Variants in ALKBH3 observed in about 807,000 individuals in gnomAD.
The protein encoded by ALKBH3 is alkB homolog 3, alpha-ketoglutarate dependent dioxygenase.
In ALKBH3, 51 loss-of-function variants were observed where a neutral mutation model predicts 43.9. The ratio of observed to expected loss-of-function variants is 1.16; its 90% CI spans 0.93 to 1.47. ALKBH3 has a LOEUF of 1.47. Ranked by LOEUF, ALKBH3 falls within the 40% of genes most tolerant of loss-of-function variation. The pLI, the probability that ALKBH3 is intolerant of heterozygous loss-of-function variation, is 0.00. For synonymous variants in ALKBH3, 102 were observed against 115.2 expected, an observed-to-expected ratio of 0.89 and a Z score of 0.73; for missense variants, 361 against 351.9, an observed-to-expected ratio of 1.03 and a Z score of -0.21.
Position 43,920,088 on chromosome 11 carries a change from T to C in ALKBH3, c.*78T>C. 1 of 1,333,158 alleles carries C rather than the reference T, an allele frequency of 7.5e-7. No individual in the cohort carries two copies. The highest frequency in any genetic ancestry group is 1.1e-6 in the Non-Finnish European group (1 of 936,278). 82.6% of individuals were successfully genotyped at this position (1,333,158 alleles called of 1,614,324 possible). A position where few individuals can be genotyped will look rare whatever the true frequency, so the allele number is the denominator to read the frequency against. On this transcript the variant is annotated 3_prime_UTR_variant, in exon 10 of 10. Transcript: ENST00000302708. ...AGAAGCCACTTCAAGAGGCTGGTGC[T>C]GCTAGATCTCATGATGTGGCTGTTG...
At chr11:43,900,374 C>T (rs1292582669) in intron 7 of ALKBH3, among the ~76,000 whole-genome samples, 1 of 151,610 alleles carries the variant, frequency 6.6e-6, no homozygotes, top group Non-Finnish European at 1.5e-5. Flanking sequence ...CAGGCGCATG[C>T]CACCATGCCC....
chr11:43,896,375 C>G (rs758711547), intron 7 of ALKBH3, among the ~76,000 whole-genome samples: 1 of 151,866 alleles, frequency 6.6e-6, no homozygotes, highest in Non-Finnish European at 1.5e-5. Context: ...GTCTGCAAGC[C>G]GAGGAGCAAG....
At chr11:43,890,537 A>G (rs1181502762) in intron 6 of ALKBH3, among the ~76,000 whole-genome samples, 1 of 152,174 alleles carries the variant, frequency 6.6e-6, no homozygotes, top group Non-Finnish European at 1.5e-5. Context: ...CCCTGTGGAT[A>G]CTGAAATTCA....
At chr11:43,891,660 G>A (rs766724835) in intron 6 of ALKBH3, among the ~76,000 whole-genome samples, 4 of 151,932 alleles carry the variant, frequency 2.6e-5, no homozygotes, top group Non-Finnish European at 4.4e-5. Flanking sequence ...TTCTCACATG[G>A]ATGTTGGTGC....
At chr11:43,889,131 G>A (rs774930471) in intron 5 of ALKBH3, among the ~76,000 whole-genome samples, 2 of 152,082 alleles carry the variant, frequency 1.3e-5, no homozygotes, top group Non-Finnish European at 2.9e-5. Flanking sequence ...GGGTTCAAGC[G>A]ATTCTCCTGC....
chr11:43,896,268 TACACACACACACACACAC>T (rs71035662), intron 7 of ALKBH3, among the ~76,000 whole-genome samples: 2 of 147,268 alleles, frequency 1.4e-5, no homozygotes, highest in South Asian at 2.1e-4. Context: ...ATAGGATAGA[TACACACACACACACACAC>T]ACACACACAC....
At position 43,919,120 on chromosome 11, in the gene ALKBH3, C is replaced by T. The variant is rs1159631844; in HGVS notation, c.752C>T (p.Thr251Ile). 1.9e-5 allele frequency: 30 copies of T among 1,612,948 alleles called. No homozygotes were observed. Among genetic ancestry groups the T allele is most frequent in the Non-Finnish European group, 2.5e-5 (30 of 1,179,032 alleles). Residue 251 changes from threonine (T) to isoleucine (I), a missense_variant, in exon 9 of 10, where the codon ACA becomes ATA. Thr to Ile is a moderately conservative substitution (Grantham distance 89). Coordinates refer to ENST00000302708, the MANE Select transcript of ALKBH3 (RefSeq NM_139178.4). ...ACCTTGTTAATCATGGAAGGAGCGACACAAGCTGACTGGCAGGTGAGGATC... is the reference window on the plus strand; with the variant it reads ...ACCTTGTTAATCATGGAAGGAGCGATACAAGCTGACTGGCAGGTGAGGATC... ...HGTLLIMEGATQADWQHRVPK... is the reference protein window; with the variant it reads ...HGTLLIMEGAIQADWQHRVPK...
intron 8 of ALKBH3, among the ~76,000 whole-genome samples, chr11:43,912,721 T>G (rs1951949579): frequency 6.6e-6 from 1 of 152,216 alleles, no homozygotes; most frequent in South Asian, 2.1e-4. Flanking sequence ...ATGAAGAATG[T>G]GATAATTTTT....
chr11:43,900,698 G>A (rs1021198031), intron 7 of ALKBH3, among the ~76,000 whole-genome samples: 3 of 152,102 alleles, frequency 2.0e-5, no homozygotes, highest in African/African-American at 7.2e-5. Flanking sequence ...TAAAGTACTC[G>A]AGATTTCTGG....
At chr11:43,916,261 A>G (rs1488257226) in intron 8 of ALKBH3, among the ~76,000 whole-genome samples, 1 of 152,234 alleles carries the variant, frequency 6.6e-6, no homozygotes, top group Non-Finnish European at 1.5e-5. Context: ...CTTAAAGGAA[A>G]CTGAATAGGA....
intron 8 of ALKBH3, 115 bp downstream of exon 8, chr11:43,901,840 A>C: frequency 7.9e-7 from 1 of 1,260,824 alleles, no homozygotes; most frequent in Non-Finnish European, 1.1e-6. Flanking sequence ...CATTTTGTTG[A>C]TGAAACATTT....
At chr11:43,902,732 G>A (rs529944233) in intron 8 of ALKBH3, among the ~76,000 whole-genome samples, 54 of 152,358 alleles carry the variant, frequency 3.5e-4, no homozygotes, top group African/African-American at 1.3e-3. Flanking sequence ...GAGTAGCTGG[G>A]ATTACAGGCG....
At chr11:43,888,310 C>T (rs61883985) in intron 5 of ALKBH3, among the ~76,000 whole-genome samples, 2 of 26,750 alleles carry the variant, frequency 7.5e-5, no homozygotes, top group Non-Finnish European at 2.4e-4. Context: ...GCCATGTTGC[C>T]CAGGCTGGCC....
intron 6 of ALKBH3, among the ~76,000 whole-genome samples, chr11:43,890,477 A>G (rs765920562): frequency 2.0e-5 from 3 of 152,108 alleles, no homozygotes; most frequent in Non-Finnish European, 2.9e-5. Flanking sequence ...AATTTTCTGT[A>G]AAGAGGCAAA....
chr11:43,883,005 G>T, intron 2 of ALKBH3, 80 bp from the exon 3 acceptor site: 2 of 1,133,614 alleles, frequency 1.8e-6, no homozygotes, highest in South Asian at 2.7e-5. Flanking sequence ...CTCCAAGTGG[G>T]CTTTATTGGC....
chr11:43,892,988 C>T (rs1554316), intron 7 of ALKBH3, among the ~76,000 whole-genome samples: 27,217 of 152,100 alleles, frequency 0.18, 2,784 homozygotes, highest in South Asian at 0.33. Flanking sequence ...AGGGAAGTGC[C>T]GAGACCCTTT....
intron 9 of ALKBH3, 43 bp from the exon 10 acceptor site, chr11:43,919,875 G>T (rs764821067): frequency 2.6e-6 from 4 of 1,533,034 alleles, no homozygotes; most frequent in African/African-American, 1.4e-5. Context: ...CTAAAAGTGT[G>T]TATGTGTGTA....
In ALKBH3 at chr11:43,884,055, A is replaced by G. The variant is rs780464570; in HGVS notation, c.218+38A>G. ...CTGTCTTCCTGTAATTGTTGCCCAC[A>G]GTGAAATGAAGAGCCTGGAATCTTT... On this transcript the variant is annotated intron_variant, in intron 4 of 9. Coordinates refer to ENST00000302708, the MANE Select transcript of ALKBH3 (RefSeq NM_139178.4). 5 of 1,611,152 alleles carry G rather than the reference A, an allele frequency of 3.1e-6. No homozygotes were observed. The South Asian group carries it at 5.5e-5, about 18-fold the overall frequency.
intron 4 of ALKBH3, 32 bp from the exon 5 acceptor site, chr11:43,886,574 A>T: frequency 6.2e-7 from 1 of 1,613,034 alleles, no homozygotes; most frequent in East Asian, 2.2e-5. Context: ...TTTTGCCTCA[A>T]ACTAACAAGT....
Sources: allele counts gnomAD v4.1 joint callset (sites outside exome capture counted in the v4.1 genomes callset), GRCh38; gene constraint gnomAD v4.1.1; transcripts MANE v1.5; gene names NCBI Gene and HGNC (gene_info 2026-07-23, HGNC 2026-07-21).